Variants in ZNF280D observed in about 807,000 individuals in gnomAD.
ZNF280D encodes the protein suppressor of hairy wing homolog 4.
In ZNF280D, 39 loss-of-function variants were observed where a neutral mutation model predicts 94.7. The ratio of observed to expected loss-of-function variants is 0.41; its 90% CI spans 0.32 to 0.54. The LOEUF is 0.54. ZNF280D is among the 20% of genes least tolerant of loss of function. The probability of loss-of-function intolerance (pLI) is 0.22; values close to 1 mark genes in which losing one functional copy is unlikely to be tolerated. For synonymous variants in ZNF280D, 398 were observed against 377.6 expected (o/e 1.05, Z -0.63); for missense variants, 1,090 against 1,149.3 (o/e 0.95, Z 0.75).
At chr15:56,643,521 T>C (rs1416237356) in intron 19 of ZNF280D, among the ~76,000 whole-genome samples, 1 of 151,704 alleles carries the variant, frequency 6.6e-6, no homozygotes, top group Non-Finnish European at 1.5e-5. Flanking sequence ...TTGAGGAATA[T>C]ATTCTCTTTA....
intron 1 of ZNF280D, among the ~76,000 whole-genome samples, chr15:56,725,991 T>C (rs1293550853): frequency 2.6e-5 from 4 of 152,164 alleles, no homozygotes; most frequent in Non-Finnish European, 4.4e-5. Flanking sequence ...TTTTTTGGTG[T>C]AATCCATTTA....
intron 1 of ZNF280D, among the ~76,000 whole-genome samples, chr15:56,713,555 T>C (rs1337007204): frequency 1.3e-5 from 2 of 152,174 alleles, no homozygotes; most frequent in African/African-American, 2.4e-5. Flanking sequence ...ATGTCACTAA[T>C]GGCATACTGA....
chr15:56,668,062 C>A, intron 14 of ZNF280D: 1 of 432,236 alleles, frequency 2.3e-6, no homozygotes, highest in South Asian at 1.7e-5. Context: ...TGCTGGATAG[C>A]TTCTCTTGCT....
chr15:56,658,952 C>T (rs1019864686), intron 16 of ZNF280D, among the ~76,000 whole-genome samples: 7 of 151,954 alleles, frequency 4.6e-5, no homozygotes, highest in Non-Finnish European at 8.8e-5. Context: ...GTAAACAGAA[C>T]TTGAGCTAAA....
chr15:56,638,357 G>A (rs1271228244), intron 20 of ZNF280D, among the ~76,000 whole-genome samples: 1 of 152,118 alleles, frequency 6.6e-6, no homozygotes, highest in Non-Finnish European at 1.5e-5. Context: ...CAGACAAACA[G>A]ATTTTGATGT....
intron 1 of ZNF280D, among the ~76,000 whole-genome samples, chr15:56,709,710 C>G (rs1286454217): frequency 3.9e-5 from 6 of 152,084 alleles, no homozygotes; most frequent in Non-Finnish European, 7.4e-5. Flanking sequence ...TCTTTGTAGG[C>G]ACATGGATGA....
rs758279148 is a variant in ZNF280D at position 56,693,144 on chromosome 15, A to G, written c.453T>C (p.Asp151=). The stretch of plus-strand genomic sequence containing the variant: ...CCCCTTGGTAATGTGATAATCCTGT[A>G]TCCTGGGTCAAGTCAAACAGTAACT... The part of the protein sequence containing the change: ...SSELLFDLTQ[D]TGLSHYQGGP... The change falls in exon 7 of 22, where the codon GAT becomes GAC. Residue 151 remains aspartate (D), a synonymous_variant. Transcript: ENST00000267807. 1.2e-5 allele frequency: 20 copies of G among 1,606,904 alleles called. No individual in the cohort carries two copies. The South Asian group carries it at 2.2e-4, about 18-fold the overall frequency.
rs2057021447 is a variant in ZNF280D at position 56,700,883 on chromosome 15, C to A, written c.381+50G>T. ...ACTGGGTACTGTTGATATTGATAAA[C>A]AACATCCAATGGATCCCTGAGCTGG... On this transcript the variant is annotated intron_variant, in intron 6 of 21. Transcript: ENST00000267807. 3 of 1,613,388 alleles carry A rather than the reference C, an allele frequency of 1.9e-6. No individual in the cohort carries two copies. The African/African-American group carries it at 4.0e-5, about 22-fold the overall frequency.
chr15:56,701,089 C>A lies in ZNF280D; in HGVS notation c.242-17G>T, dbSNP rs773542592. On this transcript the variant is annotated splice_polypyrimidine_tract_variant and intron_variant, in intron 5 of 21. Transcript: ENST00000267807. ...CAGTAATACCTGTATTTTAAAGTAACACAATATATGGAAATTATTTGTACA... is the reference window on the plus strand; with the variant it reads ...CAGTAATACCTGTATTTTAAAGTAAAACAATATATGGAAATTATTTGTACA... 22 of 1,612,856 alleles carry A rather than the reference C, an allele frequency of 1.4e-5. No individual in the cohort carries two copies. In the South Asian group the frequency reaches 2.3e-4, roughly 17 times the overall value.
At chr15:56,692,839 C>T (rs1312330909) in intron 7 of ZNF280D, among the ~76,000 whole-genome samples, 6 of 152,118 alleles carry the variant, frequency 3.9e-5, no homozygotes, top group African/African-American at 1.4e-4. Flanking sequence ...TAATATTTCT[C>T]AGCTATGGTT....
intron 2 of ZNF280D, 48 bp downstream of exon 2, chr15:56,707,215 A>C (rs1392238664): frequency 1.9e-6 from 3 of 1,598,920 alleles, no homozygotes; most frequent in Non-Finnish European, 2.6e-6. Flanking sequence ...GAAACATGAA[A>C]CTTGGGATTC....
intron 17 of ZNF280D, among the ~76,000 whole-genome samples, chr15:56,656,897 T>C (rs1305942932): frequency 6.6e-6 from 1 of 152,108 alleles, no homozygotes; most frequent in African/African-American, 2.4e-5. Context: ...TTAAATTTTG[T>C]AGTCAAGGAA....
In ZNF280D at chr15:56,693,184, G is replaced by C. The variant is rs1477261980; in HGVS notation, c.413C>G (p.Ser138Cys). The C allele has an allele frequency of 1.3e-5, 20 of 1,596,750 alleles. No homozygotes were observed. Among genetic ancestry groups the C allele is most frequent in the Non-Finnish European group, 1.7e-5 (20 of 1,172,488 alleles). Reference sequence around the variant, plus strand: ...AAACAGTAACTCTGATGACTTATTAGACACAACTCGTGATGAGTTTGTTAT... The same window carrying C: ...AAACAGTAACTCTGATGACTTATTACACACAACTCGTGATGAGTTTGTTAT... ...GYITNSSRVV[S>C]NKSSELLFDL... The change falls in exon 7 of 22, where the codon TCT becomes TGT. Residue 138 changes from serine (S) to cysteine (C), a missense_variant. Physicochemically the swap from Ser to Cys is moderately radical, Grantham distance 112 (BLOSUM62 -1). Around this residue, in one of 3 missense-constraint regions of ZNF280D, gnomAD observed 386 missense variants for 372.0 expected, o/e 1.04. Coordinates refer to ENST00000267807, the MANE Select transcript of ZNF280D (RefSeq NM_017661.4).
At chr15:56,709,162 GA>G (rs1184911972) in intron 1 of ZNF280D, among the ~76,000 whole-genome samples, 7 of 152,038 alleles carry the variant, frequency 4.6e-5, no homozygotes, top group African/African-American at 7.2e-5. Flanking sequence ...AAATTTACAA[GA>G]AAAAAACAAA....
chr15:56,662,417 T>C (rs1466674948), intron 16 of ZNF280D, among the ~76,000 whole-genome samples: 1 of 152,216 alleles, frequency 6.6e-6, no homozygotes, highest in Admixed American at 6.5e-5. Context: ...GGACCTTTTA[T>C]AATTAAAACA....
intron 4 of ZNF280D, among the ~76,000 whole-genome samples, chr15:56,702,600 G>C (rs567421189): frequency 6.6e-6 from 1 of 151,992 alleles, no homozygotes; most frequent in East Asian, 1.9e-4. Context: ...TTCAATAAGA[G>C]TTTGAATTTT....
chr15:56,655,643 T>G (rs1166818679), intron 17 of ZNF280D, among the ~76,000 whole-genome samples: 2 of 152,234 alleles, frequency 1.3e-5, no homozygotes, highest in African/African-American at 4.8e-5. Context: ...CTGTTTAGCA[T>G]TTGCTATTTG....
chr15:56,634,874 A>G lies in ZNF280D; in HGVS notation c.2315+321T>C, dbSNP rs1252106506. Among the ~76,000 whole-genome samples the G allele has an allele frequency of 5.3e-5, 8 of 152,270 alleles. No homozygotes were observed. The South Asian group carries it at 1.0e-3, about 20-fold the overall frequency. On this transcript the variant is annotated intron_variant, in intron 21 of 21. Coordinates refer to ENST00000267807, the MANE Select transcript of ZNF280D (RefSeq NM_017661.4). ...GCAACAACTGTTCCTGTCCAGTAACATGCAGCATCTTGTAAATGTTTTCAT... is the reference window on the plus strand; with the variant it reads ...GCAACAACTGTTCCTGTCCAGTAACGTGCAGCATCTTGTAAATGTTTTCAT...
In ZNF280D at chr15:56,666,891, T is replaced by C; in HGVS notation, c.1641A>G (p.Pro547=). 6.2e-7 allele frequency: 1 copy of C among 1,613,860 alleles called. No individual in the cohort carries two copies. The highest frequency in any genetic ancestry group is 2.2e-5 in the East Asian group (1 of 44,822). ...TTTTAGCAGTTATATTTTTAGTCCT[T>C]GGAGGTGAGAGCTGAAGGGTAGAAG... ...ASASTLQLSP[P]RTKNITAKNP... is the part of the protein sequence containing the mutation. The change falls in exon 15 of 22, where the codon CCA becomes CCG. Residue 547 remains proline (P), a synonymous_variant. Transcript: ENST00000267807.
Sources: gnomAD v4.1 joint callset for allele counts (sites outside exome capture counted in the v4.1 genomes callset) on GRCh38, gnomAD v4.1.1 for gene constraint, gnomAD v4.1.1 regional missense constraint, MANE v1.5 for transcripts, NCBI Gene and HGNC (gene_info 2026-07-23, HGNC 2026-07-21) for gene names.